Variants in FMN2 observed in about 807,000 individuals in gnomAD.
The protein encoded by FMN2 is formin 2, also known as formin-2.
A neutral mutation model predicts 142.3 loss-of-function variants in FMN2; 51 were observed. That is an observed-to-expected ratio of 0.36 (90% confidence interval 0.29 to 0.45). FMN2 has a LOEUF of 0.45. Among genes scored for constraint, FMN2 ranks in the 20% least tolerant of loss-of-function variants. FMN2 has a pLI of 1.00. For missense variants in FMN2, 1,936 were observed against 2,122.8 expected (o/e 0.91, Z 1.73); for synonymous variants, 882 against 869.8 (o/e 1.01, Z -0.25).
chr1:240,427,784 C>T (rs1191858565), intron 15 of FMN2, among the ~76,000 whole-genome samples: 1 of 152,144 alleles, frequency 6.6e-6, no homozygotes, highest in African/African-American at 2.4e-5. Flanking sequence ...CGATCAGCTT[C>T]AGGTTTGAAT....
intron 6 of FMN2, among the ~76,000 whole-genome samples, chr1:240,232,249 C>CTTTT (rs77988184): frequency 2.0e-5 from 2 of 99,530 alleles, no homozygotes; most frequent in African/African-American, 4.1e-5. Context: ...CCCAGCTAAT[C>CTTTT]TTTTTTTTTT....
intron 10 of FMN2, 138 bp downstream of exon 10, chr1:240,329,606 CATTTT>C (rs1259241682): frequency 1.7e-6 from 2 of 1,160,026 alleles, no homozygotes; most frequent in East Asian, 2.5e-5. Context: ...CAGAAGGGAA[CATTTT>C]ATGATTGACC....
chr1:240,171,937 C>A (rs1027582233), intron 2 of FMN2, among the ~76,000 whole-genome samples: 8 of 152,122 alleles, frequency 5.3e-5, no homozygotes, highest in African/African-American at 1.7e-4. Flanking sequence ...TCCGCAAAAG[C>A]CAAAACAGAT....
chr1:240,213,655 A>G (rs1666777293), intron 6 of FMN2, among the ~76,000 whole-genome samples: 1 of 152,224 alleles, frequency 6.6e-6, no homozygotes, highest in Admixed American at 6.5e-5. Flanking sequence ...TTTCCAGTAA[A>G]ATTAATAGCC....
rs1027694892 is a variant in FMN2, at chr1:240,348,515, G to A, written c.4766-7301G>A. On this transcript the variant is annotated intron_variant, in intron 13 of 17. Transcript: ENST00000319653. ...TGGGATTACAGGCATGAGCCACCGC[G>A]CCCAGCCTATTTTTTTTTTTTTTTT... Among the ~76,000 whole-genome samples, 9 of 137,136 alleles carry A rather than the reference G, an allele frequency of 6.6e-5. No homozygotes were observed. In the East Asian group the frequency reaches 1.3e-3, roughly 19 times the overall value. 90.0% of individuals were successfully genotyped at this position (137,136 alleles called of 152,430 possible).
intron 2 of FMN2, among the ~76,000 whole-genome samples, chr1:240,131,850 A>G (rs1230611325): frequency 6.6e-6 from 1 of 152,236 alleles, no homozygotes; most frequent in East Asian, 1.9e-4. Context: ...AAACAAAGAC[A>G]ACCTGGGGGT....
intron 15 of FMN2, among the ~76,000 whole-genome samples, chr1:240,419,718 C>T (rs948688095): frequency 5.3e-5 from 8 of 152,128 alleles, no homozygotes; most frequent in Non-Finnish European, 1.0e-4. Flanking sequence ...GGAAACATTA[C>T]AGTGTATCCT....
intron 15 of FMN2, among the ~76,000 whole-genome samples, chr1:240,413,644 A>T (rs1572282355): frequency 6.6e-6 from 1 of 152,192 alleles, no homozygotes; most frequent in East Asian, 1.9e-4. Context: ...TGGACCAGAG[A>T]ACATAGAAAC....
chr1:240,107,243 A>G (rs984811221), intron 1 of FMN2, among the ~76,000 whole-genome samples: 2 of 152,094 alleles, frequency 1.3e-5, no homozygotes, highest in Non-Finnish European at 2.9e-5. Flanking sequence ...ATAGAGACTG[A>G]GTGAAGATCA....
intron 7 of FMN2, among the ~76,000 whole-genome samples, chr1:240,279,259 T>A (rs1488230598): frequency 1.3e-5 from 2 of 152,048 alleles, no homozygotes; most frequent in Non-Finnish European, 2.9e-5. Context: ...TGGTTTTCTT[T>A]AATGAAAAAA....
At chr1:240,389,690 G>A (rs776765028) in intron 14 of FMN2, among the ~76,000 whole-genome samples, 1 of 152,174 alleles carries the variant, frequency 6.6e-6, no homozygotes, top group South Asian at 2.1e-4. Flanking sequence ...GGTGGCTTAT[G>A]CCTGTAATCT....
intron 13 of FMN2, among the ~76,000 whole-genome samples, chr1:240,339,416 A>G (rs1376373076): frequency 6.6e-6 from 1 of 152,154 alleles, no homozygotes; most frequent in African/African-American, 2.4e-5. Context: ...GAAAAAGCAT[A>G]GTATATATAG....
intron 7 of FMN2, among the ~76,000 whole-genome samples, chr1:240,285,985 A>G (rs1233034337): frequency 1.3e-5 from 2 of 152,030 alleles, no homozygotes; most frequent in African/African-American, 4.8e-5. Context: ...GTTCTTGCTT[A>G]AGTCTAAAAG....
chr1:240,278,350 C>T (rs1032554911), intron 7 of FMN2, among the ~76,000 whole-genome samples: 1 of 152,130 alleles, frequency 6.6e-6, no homozygotes, highest in African/African-American at 2.4e-5. Flanking sequence ...CTGTGATACT[C>T]TTGAGTAGTA....
chr1:240,271,098 G>GCT (rs1233218686), intron 7 of FMN2, among the ~76,000 whole-genome samples: 2 of 72,244 alleles, frequency 2.8e-5, no homozygotes, highest in Non-Finnish European at 4.9e-5. Context: ...TTCCACGATG[G>GCT]TTTTTTTTTT....
rs563827211 is a variant in FMN2, at chr1:240,384,028, C to A, written c.4859-8483C>A. 2.0e-5 allele frequency among the ~76,000 whole-genome samples: 3 copies of A among 152,118 alleles called. No individual in the cohort carries two copies. The South Asian group carries it at 6.2e-4, about 31-fold the overall frequency. On this transcript the variant is annotated intron_variant, in intron 14 of 17. Transcript: ENST00000319653. ...ATGGATGCAGCTGAAGGCTATTATC[C>A]TAAGCGTATTAACACAGAAAGTGAA...
chr1:240,277,902 G>C (rs1370893222), intron 7 of FMN2, among the ~76,000 whole-genome samples: 2 of 151,938 alleles, frequency 1.3e-5, no homozygotes, highest in African/African-American at 4.8e-5. Context: ...TAGATGTCTG[G>C]TAAACAATAA....
intron 13 of FMN2, among the ~76,000 whole-genome samples, chr1:240,346,914 G>T (rs1369550643): frequency 6.6e-6 from 1 of 152,110 alleles, no homozygotes; most frequent in Non-Finnish European, 1.5e-5. Flanking sequence ...GCGCATGATG[G>T]TGCTAATAAT....
chr1:240,120,735 C>G (rs1273656655), intron 1 of FMN2, among the ~76,000 whole-genome samples: 1 of 152,108 alleles, frequency 6.6e-6, no homozygotes, highest in Admixed American at 6.5e-5. Flanking sequence ...AACAGTTGAT[C>G]TAAATTTGAA....
Sources: allele counts gnomAD v4.1 joint callset (sites outside exome capture counted in the v4.1 genomes callset), GRCh38; gene constraint gnomAD v4.1.1; transcripts MANE v1.5; gene names NCBI Gene and HGNC (gene_info 2026-07-23, HGNC 2026-07-21).